The following HS6ST2 variants were observed in gnomAD, a reference collection of about 807,000 sequenced individuals.
HS6ST2 encodes heparan sulfate 6-O-sulfotransferase 2, also known as heparan-sulfate 6-O-sulfotransferase 2.
In HS6ST2, 17 loss-of-function variants were observed where a neutral mutation model predicts 33.0. That is an observed-to-expected ratio of 0.52 (90% CI 0.35 to 0.77). HS6ST2 has a LOEUF of 0.77. Among genes scored for constraint, HS6ST2 ranks in the 30% least tolerant of loss-of-function variants. The pLI is 0.01. For missense variants in HS6ST2, 519 were observed against 551.7 expected, an observed-to-expected ratio of 0.94 and a Z score of 0.59; for synonymous variants, 248 against 237.1, an observed-to-expected ratio of 1.05 and a Z score of -0.42.
At chrX:132,904,677 A>C (rs1203097925) in intron 2 of HS6ST2, among the ~76,000 whole-genome samples, 1 of 97,652 alleles carries the variant, frequency 1.0e-5, no homozygotes, top group East Asian at 3.2e-4. Context: ...ACAGGCCCAC[A>C]CCACCAGGCC....
intron 2 of HS6ST2, among the ~76,000 whole-genome samples, chrX:132,755,179 T>C (rs1182837542): frequency 2.7e-5 from 3 of 112,593 alleles, no homozygotes; most frequent in Non-Finnish European, 5.6e-5. Flanking sequence ...ATTATATCAG[T>C]ATGGACTCTT....
At chrX:132,954,886 C>T (rs187298288) in intron 2 of HS6ST2, among the ~76,000 whole-genome samples, 3 of 111,734 alleles carry the variant, frequency 2.7e-5, no homozygotes, top group Middle Eastern at 4.6e-3. Flanking sequence ...CTGGAGAATG[C>T]GGGAAGGAAT....
chrX:132,785,649 A>G (rs1470660600), intron 2 of HS6ST2, among the ~76,000 whole-genome samples: 1 of 111,888 alleles, frequency 8.9e-6, no homozygotes, highest in Non-Finnish European at 1.9e-5. Context: ...ACCTTCTGCC[A>G]GCTCCAAAAC....
chrX:132,653,779 G>T (rs1430795933), intron 4 of HS6ST2, among the ~76,000 whole-genome samples: 1 of 112,030 alleles, frequency 8.9e-6, no homozygotes, highest in Non-Finnish European at 1.9e-5. Context: ...ACTACTGTGG[G>T]TTGAAAGAGG....
intron 2 of HS6ST2, among the ~76,000 whole-genome samples, chrX:132,746,099 C>T (rs764595798): frequency 2.7e-5 from 3 of 111,573 alleles, no homozygotes; most frequent in Admixed American, 9.6e-5. Context: ...CAGGATCCTA[C>T]GGTACACGGC....
chrX:132,669,304 C>T lies in HS6ST2; in HGVS notation c.981-105G>A. Reference sequence around the variant, plus strand: ...GACTCTCAAGGCCAGCCTGCATATCCCCCCACCACCCCCTGGCCAATCTCT... The same window carrying T: ...GACTCTCAAGGCCAGCCTGCATATCTCCCCACCACCCCCTGGCCAATCTCT... On this transcript the variant is annotated intron_variant, in intron 3 of 4. Coordinates refer to ENST00000370833, the MANE Select transcript of HS6ST2 (RefSeq NM_001394073.1). 9.7e-6 allele frequency: 5 copies of T among 515,258 alleles called. No homozygotes were observed. In the Admixed American group the frequency reaches 1.2e-4, roughly 12 times the overall value. 42.5% of individuals were successfully genotyped at this position (515,258 alleles called of 1,213,427 possible).
At chrX:132,927,549 A>G (rs1200389651) in intron 2 of HS6ST2, among the ~76,000 whole-genome samples, 1 of 109,531 alleles carries the variant, frequency 9.1e-6, no homozygotes, top group African/African-American at 3.3e-5. Context: ...TCCTCTTGAA[A>G]CTCCCTTTAC....
At chrX:132,632,242 T>C (rs2063523201) in intron 4 of HS6ST2, among the ~76,000 whole-genome samples, 1 of 110,948 alleles carries the variant, frequency 9.0e-6, no homozygotes, top group Non-Finnish European at 1.9e-5. Flanking sequence ...GCAAATAGCC[T>C]TGGGGACCCA....
Position 132,641,919 on chromosome X carries a change from A to T in HS6ST2, c.1068-12826T>A, listed in dbSNP as rs536090974. On this transcript the variant is annotated intron_variant, in intron 4 of 4. Transcript: ENST00000370833. ...TTTTGTGGGCCCCTTACAGAACCGC[A>T]GGGCTGGGATCTGAGCATTTTAGAG... 7.2e-4 allele frequency among the ~76,000 whole-genome samples: 81 copies of T among 112,349 alleles called. 1 individual carries two copies. In the South Asian group the frequency reaches 0.03, roughly 42 times the overall value.
At chrX:132,902,134 C>T (rs1174259271) in intron 2 of HS6ST2, among the ~76,000 whole-genome samples, 5 of 106,336 alleles carry the variant, frequency 4.7e-5, no homozygotes, top group African/African-American at 1.7e-4. Flanking sequence ...CAGGCTCTTG[C>T]TCTTTAACCC....
At chrX:132,923,510 A>G (rs1462624571) in intron 2 of HS6ST2, among the ~76,000 whole-genome samples, 6 of 111,626 alleles carry the variant, frequency 5.4e-5, no homozygotes, top group Non-Finnish European at 1.1e-4. Context: ...TCCCTGTTAT[A>G]TTTGGTCTAC....
intron 2 of HS6ST2, among the ~76,000 whole-genome samples, chrX:132,784,450 C>G: frequency 9.0e-6 from 1 of 111,472 alleles, no homozygotes; most frequent in Middle Eastern, 4.6e-3. Flanking sequence ...GCTGGGATTA[C>G]AGGCACACGC....
chrX:132,697,715 C>T (rs758023729), intron 3 of HS6ST2, among the ~76,000 whole-genome samples: 10 of 111,816 alleles, frequency 8.9e-5, no homozygotes, highest in Non-Finnish European at 1.7e-4. Context: ...CAAGTATCTA[C>T]GTTTATACAT....
intron 2 of HS6ST2, among the ~76,000 whole-genome samples, chrX:132,768,335 C>CAAAAAA (rs771487342): frequency 2.2e-5 from 1 of 46,342 alleles, no homozygotes; most frequent in African/African-American, 8.2e-5. Flanking sequence ...GACTCTGTCT[C>CAAAAAA]AAAAAAAAAA....
intron 2 of HS6ST2, among the ~76,000 whole-genome samples, chrX:132,776,389 C>A (rs186669583): frequency 8.9e-6 from 1 of 111,933 alleles, no homozygotes; most frequent in African/African-American, 3.2e-5. Context: ...TTCTGATCTC[C>A]AAATCACAGG....
Position 132,848,963 on chromosome X carries a change from G to GT in HS6ST2, c.947+107844dup, listed in dbSNP as rs753372762. ...GAAAAATCTCTTTGTCCTTGAGCTA[G>GT]TAAAAAAAATTGGGTGTGCACAGGG... On this transcript the variant is annotated intron_variant, in intron 2 of 4. Transcript: ENST00000370833. Among the ~76,000 whole-genome samples the GT allele has an allele frequency of 2.7e-5, 3 of 111,479 alleles. No individual in the cohort carries two copies. The South Asian group carries it at 1.1e-3, about 42-fold the overall frequency.
intron 2 of HS6ST2, among the ~76,000 whole-genome samples, chrX:132,818,475 C>A (rs796853124): frequency 9.0e-6 from 1 of 111,232 alleles, no homozygotes; most frequent in African/African-American, 3.3e-5. Context: ...TAGGGATAGG[C>A]AATAACTGCC....
chrX:132,858,902 G>A (rs1479321808), intron 2 of HS6ST2, among the ~76,000 whole-genome samples: 1 of 112,295 alleles, frequency 8.9e-6, no homozygotes, highest in Non-Finnish European at 1.9e-5. Flanking sequence ...AGGTCGGCAT[G>A]GCCTCACTCC....
chrX:132,639,708 G>A (rs750268039), intron 4 of HS6ST2, among the ~76,000 whole-genome samples: 4 of 111,776 alleles, frequency 3.6e-5, no homozygotes, highest in Non-Finnish European at 7.5e-5. Context: ...CCAGAGCTAG[G>A]GGTTGGTTCT....
Sources: gnomAD v4.1 joint callset for allele counts (sites outside exome capture counted in the v4.1 genomes callset) on GRCh38, gnomAD v4.1.1 for gene constraint, MANE v1.5 for transcripts, NCBI Gene and HGNC (gene_info 2026-07-23, HGNC 2026-07-21) for gene names.